Variants in BNC2 observed in about 807,000 individuals in gnomAD.
The protein encoded by BNC2 is zinc finger protein basonuclin-2.
BNC2 carries 20 observed loss-of-function variants against 76.3 expected under a neutral mutation model. That is an observed-to-expected ratio of 0.26 (90% CI 0.18 to 0.38). BNC2 has a LOEUF of 0.38. Ranked by LOEUF, BNC2 falls within the 10% of genes least tolerant of loss-of-function variation. The pLI is 1.00. For synonymous variants in BNC2, 582 were observed against 514.8 expected (o/e 1.13, Z -1.77); for missense variants, 1,382 against 1,399.8 (o/e 0.99, Z 0.20).
intron 3 of BNC2, among the ~76,000 whole-genome samples, chr9:16,697,891 G>GC (rs1823385461): frequency 6.6e-6 from 1 of 152,040 alleles, no homozygotes; most frequent in South Asian, 2.1e-4. Flanking sequence ...TCAGTCATCA[G>GC]CCCATTACAT....
At chr9:16,501,739 A>T (rs1461505658) in intron 5 of BNC2, among the ~76,000 whole-genome samples, 2 of 152,192 alleles carry the variant, frequency 1.3e-5, no homozygotes, top group African/African-American at 4.8e-5. Context: ...TGATCCCATT[A>T]GGGGCTGGAT....
intron 1 of BNC2, among the ~76,000 whole-genome samples, chr9:16,849,219 T>G (rs1369726634): frequency 1.3e-5 from 2 of 151,968 alleles, no homozygotes; most frequent in African/African-American, 4.8e-5. Context: ...TTTCCCGAAC[T>G]CTCATTCCCC....
intron 1 of BNC2, among the ~76,000 whole-genome samples, chr9:16,741,677 G>C (rs1460885590): frequency 6.6e-6 from 1 of 152,070 alleles, no homozygotes; most frequent in East Asian, 1.9e-4. Context: ...CATGCACCAT[G>C]ACAGGTGCGG....
In BNC2 at chr9:16,435,741, T is replaced by C. The variant is rs1587021939; in HGVS notation, c.2453A>G (p.Gln818Arg). The stretch of plus-strand genomic sequence containing the variant: ...TAGGTCACCTTCTGGGGAGAACTTT[T>C]GAGGGCTGCCATAATTCAGAGACGA... The part of the protein sequence containing the change: ...FTSSLNYGSP[Q>R]KFSPEGDLCS... Residue 818 changes from glutamine (Q) to arginine (R), a missense_variant, in exon 6 of 7, where the codon CAA (glutamine) becomes CGA (arginine). Physicochemically the swap from Gln to Arg is conservative, Grantham distance 43. Transcript: ENST00000380672. The C allele has an allele frequency of 1.2e-6, 2 of 1,613,992 alleles. No individual in the cohort carries two copies. The highest frequency in any genetic ancestry group is 1.3e-5 in the African/African-American group (1 of 74,912).
intron 5 of BNC2, among the ~76,000 whole-genome samples, chr9:16,529,260 G>A (rs1202201040): frequency 6.6e-6 from 1 of 152,144 alleles, no homozygotes. Flanking sequence ...GATATTTTGA[G>A]TGGAAGTGGG....
intron 5 of BNC2, among the ~76,000 whole-genome samples, chr9:16,511,797 A>G (rs1345436138): frequency 1.3e-5 from 2 of 152,152 alleles, no homozygotes; most frequent in African/African-American, 4.8e-5. Context: ...TAAAGTAAGC[A>G]AAGGTATTTT....
chr9:16,739,907 TG>T, intron 1 of BNC2, among the ~76,000 whole-genome samples: 1 of 152,222 alleles, frequency 6.6e-6, no homozygotes, highest in Non-Finnish European at 1.5e-5. Context: ...AAGTTTAGTA[TG>T]GGGGGAACAG....
chr9:16,419,060 C>T lies in BNC2; in HGVS notation c.3229G>A (p.Val1077Ile). 5 of 1,614,166 alleles carry T rather than the reference C, an allele frequency of 3.1e-6. No homozygotes were observed. Among genetic ancestry groups the T allele is most frequent in the Non-Finnish European group, 3.4e-6 (4 of 1,180,038 alleles). ...TGACTGTGCCGATTTCGGCTTCGTACAGAGGAAAACATCATATTGCAACCT... is the reference window on the plus strand; with the variant it reads ...TGACTGTGCCGATTTCGGCTTCGTATAGAGGAAAACATCATATTGCAACCT... Reference protein sequence around the residue: ...VPGCNMMFSSVRSRNRHSQNP... With the variant: ...VPGCNMMFSSIRSRNRHSQNP... The change falls in exon 7 of 7, where the codon GTA becomes ATA. Residue 1077 changes from valine to isoleucine, a missense_variant. Around this residue, in one of 3 missense-constraint regions of BNC2, gnomAD observed 798 missense variants for 775.5 expected, o/e 1.03. Coordinates refer to ENST00000380672, the MANE Select transcript of BNC2 (RefSeq NM_017637.6).
At chr9:16,620,960 T>C (rs1820850208) in intron 3 of BNC2, among the ~76,000 whole-genome samples, 2 of 152,278 alleles carry the variant, frequency 1.3e-5, no homozygotes, top group South Asian at 2.1e-4. Flanking sequence ...GACTTTCCAC[T>C]TCTCTCCTCT....
intron 3 of BNC2, among the ~76,000 whole-genome samples, chr9:16,673,280 A>G (rs1330583458): frequency 6.6e-6 from 1 of 152,220 alleles, no homozygotes; most frequent in Admixed American, 6.5e-5. Context: ...ACCCAGTAGC[A>G]TAGCACAGTA....
chr9:16,481,045 C>G (rs190158325), intron 5 of BNC2, among the ~76,000 whole-genome samples: 191 of 152,296 alleles, frequency 1.3e-3, no homozygotes, highest in Non-Finnish European at 2.4e-3. Context: ...CACTCTGTAT[C>G]TAGCTCAAGG....
chr9:16,621,657 G>A (rs1449684571), intron 3 of BNC2, among the ~76,000 whole-genome samples: 1 of 152,094 alleles, frequency 6.6e-6, no homozygotes. Context: ...TGCTGTGGTG[G>A]AAAGAAAATT....
chr9:16,567,071 C>T (rs1587180011), intron 4 of BNC2, among the ~76,000 whole-genome samples: 1 of 152,080 alleles, frequency 6.6e-6, no homozygotes, highest in Non-Finnish European at 1.5e-5. Flanking sequence ...GGCTACAAAA[C>T]AAAGGAGAAA....
At chr9:16,639,852 T>C (rs1235424877) in intron 3 of BNC2, among the ~76,000 whole-genome samples, 5 of 151,772 alleles carry the variant, frequency 3.3e-5, no homozygotes, top group Admixed American at 6.6e-5. Context: ...AGCCCAGGAG[T>C]TCAAGGCTTC....
chr9:16,595,454 C>T (rs539313282), intron 3 of BNC2, among the ~76,000 whole-genome samples: 3 of 152,184 alleles, frequency 2.0e-5, no homozygotes, highest in South Asian at 2.1e-4. Flanking sequence ...GCTTCATTAG[C>T]GCTTCACATA....
chr9:16,602,813 C>G, intron 3 of BNC2, among the ~76,000 whole-genome samples: 1 of 152,178 alleles, frequency 6.6e-6, no homozygotes, highest in East Asian at 1.9e-4. Flanking sequence ...AACATTTTTA[C>G]ATTTCTGTTT....
chr9:16,508,350 T>A (rs1822677731), intron 5 of BNC2, among the ~76,000 whole-genome samples: 1 of 152,176 alleles, frequency 6.6e-6, no homozygotes, highest in South Asian at 2.1e-4. Flanking sequence ...GCCACATACT[T>A]GGGTAGACTG....
chr9:16,651,360 C>T (rs1168176762), intron 3 of BNC2, among the ~76,000 whole-genome samples: 2 of 152,202 alleles, frequency 1.3e-5, no homozygotes, highest in African/African-American at 4.8e-5. Flanking sequence ...TAAGCAAAAT[C>T]AGACCCACTT....
chr9:16,664,885 T>C (rs1333137016), intron 3 of BNC2, among the ~76,000 whole-genome samples: 1 of 148,716 alleles, frequency 6.7e-6, no homozygotes, highest in Non-Finnish European at 1.5e-5. Context: ...AGCATTGTGC[T>C]GATGCTGCCT....
Sources: gnomAD v4.1 joint callset for allele counts (sites outside exome capture counted in the v4.1 genomes callset) on GRCh38, gnomAD v4.1.1 for gene constraint, gnomAD v4.1.1 regional missense constraint, MANE v1.5 for transcripts, NCBI Gene and HGNC (gene_info 2026-07-23, HGNC 2026-07-21) for gene names.